The following ERC2 variants were observed in gnomAD, a reference collection of about 807,000 sequenced individuals.
ERC2 encodes the protein ERC protein 2.
Under a neutral mutation model 114.8 loss-of-function variants are expected in ERC2, and 42 were observed. That is an observed-to-expected ratio of 0.37 (90% CI 0.29 to 0.47). The LOEUF (loss-of-function observed/expected upper bound fraction) is 0.47. Ranked by LOEUF, ERC2 falls within the 20% of genes least tolerant of loss-of-function variation. The pLI is 0.99. For missense variants in ERC2, 939 were observed against 1,150.7 expected (o/e 0.82, Z 2.66); for synonymous variants, 454 against 425.5 (o/e 1.07, Z -0.82).
intron 1 of ERC2, among the ~76,000 whole-genome samples, chr3:56,457,916 A>G (rs2063136823): frequency 1.3e-5 from 2 of 152,296 alleles, no homozygotes; most frequent in Non-Finnish European, 1.5e-5. Context: ...CTTCCATGAT[A>G]GCCTGGATGT....
chr3:56,213,403 G>A (rs2049212487), intron 3 of ERC2, among the ~76,000 whole-genome samples: 1 of 152,218 alleles, frequency 6.6e-6, no homozygotes, highest in African/African-American at 2.4e-5. Context: ...TACGCCCACG[G>A]AGCCTCGCTC....
At chr3:55,899,815 T>G (rs978177801) in intron 13 of ERC2, among the ~76,000 whole-genome samples, 1 of 152,236 alleles carries the variant, frequency 6.6e-6, no homozygotes, top group Non-Finnish European at 1.5e-5. Context: ...TACTCTATTA[T>G]ATATTTCTTT....
intron 1 of ERC2, among the ~76,000 whole-genome samples, chr3:56,456,773 C>G (rs555105692): frequency 6.6e-6 from 1 of 152,280 alleles, no homozygotes; most frequent in South Asian, 2.1e-4. Flanking sequence ...AAGAAATATT[C>G]AGGTGATTGC....
chr3:56,157,101 T>C (rs897860765), intron 4 of ERC2, among the ~76,000 whole-genome samples: 4 of 151,972 alleles, frequency 2.6e-5, no homozygotes, highest in African/African-American at 9.7e-5. Flanking sequence ...TTGCCCAAGG[T>C]TTCCCCCTGG....
Position 56,170,780 on chromosome 3 carries a change from T to TTTTTC in ERC2, c.1149+2665_1149+2666insGAAAA, listed in dbSNP as rs1553861548. On this transcript the variant is annotated intron_variant, in intron 4 of 17. Transcript: ENST00000288221. Reference sequence around the variant, plus strand: ...CCTGGCTAATTTTTTTTTTTTTTTTTCTGAGACAGAGTCTCGCTCTGTCCT... The same window carrying TTTTTC: ...CCTGGCTAATTTTTTTTTTTTTTTTTTTTTCCTGAGACAGAGTCTCGCTCTGTCCT... 3.4e-5 allele frequency among the ~76,000 whole-genome samples: 5 copies of TTTTTC among 148,666 alleles called. No individual in the cohort carries two copies. In the East Asian group the frequency reaches 9.9e-4, roughly 30 times the overall value.
At chr3:55,580,107 A>AT (rs1305471312) in intron 17 of ERC2, among the ~76,000 whole-genome samples, 2 of 152,242 alleles carry the variant, frequency 1.3e-5, no homozygotes, top group Non-Finnish European at 2.9e-5. Flanking sequence ...AGTTTTTGCC[A>AT]TTAAAAGTAA....
intron 13 of ERC2, among the ~76,000 whole-genome samples, chr3:55,904,127 A>T (rs2064296182): frequency 6.6e-6 from 1 of 152,222 alleles, no homozygotes; most frequent in Non-Finnish European, 1.5e-5. Flanking sequence ...TCTCATGTAC[A>T]GCAACAAATT....
intron 14 of ERC2, among the ~76,000 whole-genome samples, chr3:55,753,127 C>T (rs2066820870): frequency 6.6e-6 from 1 of 152,114 alleles, no homozygotes; most frequent in Non-Finnish European, 1.5e-5. Context: ...TACTTCAGAA[C>T]TCGGTGGGCA....
intron 7 of ERC2, among the ~76,000 whole-genome samples, chr3:56,078,282 G>C (rs764574253): frequency 6.6e-6 from 1 of 152,186 alleles, no homozygotes; most frequent in Non-Finnish European, 1.5e-5. Flanking sequence ...AATATCCTGA[G>C]AGTTTCTAAC....
chr3:56,341,697 C>T (rs2058095795), intron 2 of ERC2, among the ~76,000 whole-genome samples: 1 of 152,180 alleles, frequency 6.6e-6, no homozygotes, highest in Non-Finnish European at 1.5e-5. Context: ...CCCAGTAATC[C>T]TGTTAGCAAT....
intron 17 of ERC2, among the ~76,000 whole-genome samples, chr3:55,681,830 T>C (rs538901258): frequency 1.3e-5 from 2 of 152,350 alleles, no homozygotes; most frequent in Admixed American, 1.3e-4. Flanking sequence ...CTACGGGTCT[T>C]GGAGCCAATT....
intron 17 of ERC2, among the ~76,000 whole-genome samples, chr3:55,603,098 G>A (rs1269272826): frequency 6.6e-6 from 1 of 152,132 alleles, no homozygotes; most frequent in African/African-American, 2.4e-5. Context: ...TACCAGGTAA[G>A]GAGAAGCTGG....
intron 17 of ERC2, among the ~76,000 whole-genome samples, chr3:55,622,473 A>G (rs560444230): frequency 6.6e-6 from 1 of 152,282 alleles, no homozygotes; most frequent in East Asian, 1.9e-4. Flanking sequence ...TACAACATCT[A>G]CTTGGCCAAA....
At chr3:56,353,536 T>C (rs2150533007) in intron 2 of ERC2, among the ~76,000 whole-genome samples, 1 of 151,860 alleles carries the variant, frequency 6.6e-6, no homozygotes, top group Middle Eastern at 3.4e-3. Context: ...ACCATCATTC[T>C]AAGCAAACTA....
In ERC2 at chr3:56,226,381, C is replaced by T. The variant is rs564631700; in HGVS notation, c.1075-52861G>A. 1.1e-4 allele frequency among the ~76,000 whole-genome samples: 17 copies of T among 152,162 alleles called. No individual in the cohort carries two copies. The South Asian group carries it at 3.5e-3, about 32-fold the overall frequency. ...AACAGAGGCTCAAAATATTTGCTAA[C>T]GTTCTGTAGTTGTACAAAATTAAAA... is the stretch of plus-strand genomic sequence containing the variant. On this transcript the variant is annotated intron_variant, in intron 3 of 17. Coordinates refer to ENST00000288221, the MANE Select transcript of ERC2 (RefSeq NM_015576.3).
chr3:56,248,592 C>A (rs2051887346), intron 3 of ERC2, among the ~76,000 whole-genome samples: 2 of 152,226 alleles, frequency 1.3e-5, no homozygotes, highest in Non-Finnish European at 2.9e-5. Context: ...GCGTCCCATC[C>A]TTGCCAACAA....
intron 13 of ERC2, among the ~76,000 whole-genome samples, chr3:55,931,444 C>A (rs1004796112): frequency 6.6e-6 from 1 of 152,162 alleles, no homozygotes; most frequent in Non-Finnish European, 1.5e-5. Flanking sequence ...GAGTTCATGT[C>A]CTTTTCAGGG....
chr3:56,356,666 T>TAA (rs2058755988), intron 2 of ERC2, among the ~76,000 whole-genome samples: 1 of 152,180 alleles, frequency 6.6e-6, no homozygotes, highest in African/African-American at 2.4e-5. Context: ...TTACGCATTC[T>TAA]CCACAATTCT....
At chr3:55,922,336 C>A (rs762710419) in intron 13 of ERC2, among the ~76,000 whole-genome samples, 2 of 151,818 alleles carry the variant, frequency 1.3e-5, no homozygotes, top group South Asian at 2.1e-4. Flanking sequence ...GGCCTCCACA[C>A]TGAAAAAAAA....
Sources: gnomAD v4.1 joint callset for allele counts (sites outside exome capture counted in the v4.1 genomes callset) on GRCh38, gnomAD v4.1.1 for gene constraint, MANE v1.5 for transcripts, NCBI Gene and HGNC (gene_info 2026-07-23, HGNC 2026-07-21) for gene names.